The following TRAPPC12 variants were observed in gnomAD, a reference collection of about 807,000 sequenced individuals.
TRAPPC12 encodes trafficking protein particle complex subunit 12.
A neutral mutation model predicts 69.2 loss-of-function variants in TRAPPC12; 61 were observed. The observed-to-expected ratio is 0.88, with a 90% CI of 0.72 to 1.09. The LOEUF (loss-of-function observed/expected upper bound fraction) is 1.09. Ranked by LOEUF, TRAPPC12 falls within the 50% of genes least tolerant of loss-of-function variation. The probability of loss-of-function intolerance (pLI) is 0.00; values close to 1 mark genes in which losing one functional copy is unlikely to be tolerated. For missense variants in TRAPPC12, 1,101 were observed against 1,016.4 expected (o/e 1.08, Z -1.13); for synonymous variants, 469 against 438.9 (o/e 1.07, Z -0.86).
chr2:3,415,121 A>G (rs1662299275), intron 3 of TRAPPC12, among the ~76,000 whole-genome samples: 1 of 152,190 alleles, frequency 6.6e-6, no homozygotes, highest in African/African-American at 2.4e-5. Flanking sequence ...ATGTACAGAC[A>G]GTCCCCAACC....
In TRAPPC12 at chr2:3,387,953, C is replaced by T. The variant is rs1176910723; in HGVS notation, c.330C>T (p.Pro110=). The change falls in exon 2 of 12, where the codon CCC becomes CCT. Residue 110 remains proline (P), a synonymous_variant. Transcript: ENST00000324266. ...CGGAGCCCGCGGGCACCCCGAGTCC[C>T]AGCGGCGAGGCCGACGGCGACTGTG... ...PGPEPAGTPS[P]SGEADGDCAP... 6.7e-7 allele frequency: 1 copy of T among 1,490,214 alleles called. No individual in the cohort carries two copies. 92.3% of individuals were successfully genotyped at this position (1,490,214 alleles called of 1,614,324 possible).
chr2:3,461,480 G>A (rs746447206), intron 8 of TRAPPC12, among the ~76,000 whole-genome samples: 2 of 152,202 alleles, frequency 1.3e-5, no homozygotes, highest in African/African-American at 2.4e-5. Flanking sequence ...ACGCAGCCTC[G>A]CACTACTGCA....
At chr2:3,445,606 C>T (rs1407383181) in intron 6 of TRAPPC12, among the ~76,000 whole-genome samples, 7 of 152,212 alleles carry the variant, frequency 4.6e-5, no homozygotes, top group Admixed American at 3.3e-4. Context: ...TATCACAACC[C>T]TATGAAGGAG....
At chr2:3,419,801 G>C (rs2103050076) in intron 3 of TRAPPC12, among the ~76,000 whole-genome samples, 1 of 152,304 alleles carries the variant, frequency 6.6e-6, no homozygotes, top group East Asian at 1.9e-4. Context: ...AGAGAACGGT[G>C]GAAAGTTCAC....
At position 3,414,847 on chromosome 2, in the gene TRAPPC12, G is replaced by A. The variant is rs1662281135; in HGVS notation, c.1165-7034G>A. On this transcript the variant is annotated intron_variant, in intron 3 of 11. Coordinates refer to ENST00000324266, the MANE Select transcript of TRAPPC12 (RefSeq NM_016030.6). This position sits in a 1 kb window ranked among gnomAD's most constrained non-coding sequence, Gnocchi z 4.9. The stretch of plus-strand genomic sequence containing the variant: ...TAAACACACGTATGTGTGCATGTAT[G>A]TATTTCTTATGGACATCACGTACGT... Among the ~76,000 whole-genome samples, 1 of 152,188 alleles carries A rather than the reference G, an allele frequency of 6.6e-6. No individual in the cohort carries two copies. Among genetic ancestry groups the A allele is most frequent in the Admixed American group, 6.5e-5 (1 of 15,280 alleles).
chr2:3,416,192 C>T (rs1449146699), intron 3 of TRAPPC12, among the ~76,000 whole-genome samples: 1 of 152,124 alleles, frequency 6.6e-6, no homozygotes, highest in Non-Finnish European at 1.5e-5. Flanking sequence ...TTAGTAGATG[C>T]TTCTTAAGTG....
intron 2 of TRAPPC12, among the ~76,000 whole-genome samples, chr2:3,401,281 A>C (rs1384489164): frequency 6.6e-6 from 1 of 152,140 alleles, no homozygotes; most frequent in Non-Finnish European, 1.5e-5. Context: ...GCTTTCCTGG[A>C]GGTCCAGGCA....
At chr2:3,453,365 C>G (rs765046469) in intron 6 of TRAPPC12, among the ~76,000 whole-genome samples, 18 of 152,188 alleles carry the variant, frequency 1.2e-4, no homozygotes, top group Non-Finnish European at 1.5e-5. Flanking sequence ...GAAGGTGCCT[C>G]CAACACCCGG....
chr2:3,381,681 CAT>C (rs1231530136), intron 1 of TRAPPC12, among the ~76,000 whole-genome samples: 1 of 152,210 alleles, frequency 6.6e-6, no homozygotes, highest in Non-Finnish European at 1.5e-5. Context: ...CCGTAACACA[CAT>C]GTGAGATTTA....
intron 3 of TRAPPC12, among the ~76,000 whole-genome samples, chr2:3,409,821 T>C (rs1661954378): frequency 6.7e-6 from 1 of 148,866 alleles, no homozygotes; most frequent in South Asian, 2.1e-4. Context: ...CCTCTACTGA[T>C]GCATCTGACT....
Position 3,420,401 on chromosome 2 carries a change from T to C in TRAPPC12, c.1165-1480T>C, listed in dbSNP as rs145858913. Among the ~76,000 whole-genome samples, 328 of 152,312 alleles carry C rather than the reference T, an allele frequency of 2.2e-3. 3 individuals carry two copies. The East Asian group carries it at 0.026, about 12-fold the overall frequency. On this transcript the variant is annotated intron_variant, in intron 3 of 11. Transcript: ENST00000324266. ...ACTCTGGATTGATGAAGAAACAGTT[T>C]GGGAATTTTTAACAGCATCGTTCAC... is the stretch of plus-strand genomic sequence containing the variant.
At chr2:3,431,611 T>A (rs562652541) in intron 5 of TRAPPC12, among the ~76,000 whole-genome samples, 47 of 152,314 alleles carry the variant, frequency 3.1e-4, no homozygotes, top group Non-Finnish European at 5.0e-4. Context: ...TTTTATTTTT[T>A]AAATTGTTAC....
At chr2:3,422,740 TC>T (rs1043928468) in intron 4 of TRAPPC12, among the ~76,000 whole-genome samples, 3 of 152,160 alleles carry the variant, frequency 2.0e-5, no homozygotes, top group African/African-American at 7.2e-5. Flanking sequence ...AAATGTACTT[TC>T]CCCCATCACC....
Position 3,424,509 on chromosome 2 carries a change from T to C in TRAPPC12, c.1279-16T>C, listed in dbSNP as rs776864554. 1.1e-5 allele frequency: 17 copies of C among 1,611,236 alleles called. No individual in the cohort carries two copies. The East Asian group carries it at 3.6e-4, about 34-fold the overall frequency. On this transcript the variant is annotated splice_polypyrimidine_tract_variant and intron_variant, in intron 4 of 11. Coordinates refer to ENST00000324266, the MANE Select transcript of TRAPPC12 (RefSeq NM_016030.6). ...TATGTAGATAACCTATTGTTTCCAT[T>C]GTATTTTGTTTTTAGCTCTGGTTTG...
At chr2:3,409,750 TA>T (rs71396989) in intron 3 of TRAPPC12, among the ~76,000 whole-genome samples, 6,990 of 54,408 alleles carry the variant, frequency 0.13, 321 homozygotes, top group Middle Eastern at 0.26. Context: ...ACTTTGTCTT[TA>T]AAAAAAAAAA....
intron 3 of TRAPPC12, among the ~76,000 whole-genome samples, chr2:3,415,167 T>C (rs1228263547): frequency 6.6e-6 from 1 of 152,206 alleles, no homozygotes; most frequent in Non-Finnish European, 1.5e-5. Context: ...AACTTTATGA[T>C]GGTGCAAAAG....
intron 6 of TRAPPC12, among the ~76,000 whole-genome samples, chr2:3,451,439 C>T (rs1434739697): frequency 1.3e-5 from 2 of 152,250 alleles, no homozygotes; most frequent in Admixed American, 6.5e-5. Context: ...TTCCAAGCAG[C>T]GTCTTCTCAT....
intron 2 of TRAPPC12, among the ~76,000 whole-genome samples, chr2:3,396,235 A>G (rs1572093536): frequency 7.0e-6 from 1 of 143,550 alleles, no homozygotes. Flanking sequence ...TTCTAGGTTG[A>G]CAGGTTTTTT....
At chr2:3,440,744 T>A (rs1478215504) in intron 5 of TRAPPC12, among the ~76,000 whole-genome samples, 1 of 152,208 alleles carries the variant, frequency 6.6e-6, no homozygotes, top group African/African-American at 2.4e-5. Flanking sequence ...TTCATGATCT[T>A]AGGGGGAAGT....
Sources: allele counts gnomAD v4.1 joint callset (sites outside exome capture counted in the v4.1 genomes callset), GRCh38; gene constraint gnomAD v4.1.1; non-coding constraint Gnocchi (gnomAD v3.1); transcripts MANE v1.5; gene names NCBI Gene and HGNC (gene_info 2026-07-23, HGNC 2026-07-21).